Variants in PCDH9 observed in about 807,000 individuals in gnomAD.
The protein encoded by PCDH9 is protocadherin 9.
PCDH9 carries 24 observed loss-of-function variants against 70.6 expected under a neutral mutation model. The observed-to-expected ratio is 0.34, with a 90% confidence interval of 0.25 to 0.48. The LOEUF (loss-of-function observed/expected upper bound fraction) is 0.48, where lower values mean the gene tolerates loss of function less well. Ranked by LOEUF, PCDH9 falls within the 20% of genes least tolerant of loss-of-function variation. The pLI is 0.99. For synonymous variants in PCDH9, 562 were observed against 558.5 expected (o/e 1.01, Z -0.09); for missense variants, 1,281 against 1,503.6 (o/e 0.85, Z 2.45).
At chr13:66,403,824 G>A (rs1957231409) in intron 4 of PCDH9, among the ~76,000 whole-genome samples, 3 of 152,076 alleles carry the variant, frequency 2.0e-5, no homozygotes, top group Admixed American at 2.0e-4. Context: ...AAATAATTCT[G>A]AACTTACAGA....
chr13:66,452,518 A>C (rs2138430907), intron 4 of PCDH9, among the ~76,000 whole-genome samples: 1 of 152,180 alleles, frequency 6.6e-6, no homozygotes, highest in Non-Finnish European at 1.5e-5. Context: ...GTGCTTTGGA[A>C]CTTACATGAA....
chr13:66,617,544 A>G (rs988023899), intron 4 of PCDH9, among the ~76,000 whole-genome samples: 7 of 152,256 alleles, frequency 4.6e-5, no homozygotes, highest in African/African-American at 1.7e-4. Flanking sequence ...CCCAAACCTT[A>G]AACTGGTTGA....
At chr13:66,538,580 A>T (rs1193949803) in intron 4 of PCDH9, among the ~76,000 whole-genome samples, 1 of 152,076 alleles carries the variant, frequency 6.6e-6, no homozygotes, top group Non-Finnish European at 1.5e-5. Flanking sequence ...TTTGAGTCCA[A>T]AGGAAGTGTG....
intron 2 of PCDH9, among the ~76,000 whole-genome samples, chr13:67,132,489 C>G (rs1402590320): frequency 2.0e-5 from 3 of 151,972 alleles, no homozygotes; most frequent in Admixed American, 6.6e-5. Flanking sequence ...ACCGAAAGTG[C>G]AATTCAAAGA....
At chr13:67,030,345 T>A (rs1212570551) in intron 2 of PCDH9, among the ~76,000 whole-genome samples, 6 of 152,144 alleles carry the variant, frequency 3.9e-5, no homozygotes, top group Non-Finnish European at 7.4e-5. Context: ...GCTAAGAGGA[T>A]ACTTCTACCA....
rs149555480 is a variant in PCDH9, at chr13:66,568,233, C to G, written c.3340+62977G>C. Among the ~76,000 whole-genome samples the G allele has an allele frequency of 4.4e-3, 669 of 152,206 alleles. 27 individuals are homozygous for G. The East Asian group carries it at 0.085, about 19-fold the overall frequency. On this transcript the variant is annotated intron_variant, in intron 4 of 4. Transcript: ENST00000377865. ...AGCAAGAACACAGCCATGTGCAAAT[C>G]AGGAAGAGGGCACTTGCTGGGAACT...
intron 4 of PCDH9, among the ~76,000 whole-genome samples, chr13:66,544,012 T>C (rs1227917093): frequency 6.6e-6 from 1 of 152,132 alleles, no homozygotes; most frequent in Non-Finnish European, 1.5e-5. Context: ...AAGTTCCATA[T>C]AGTAATGCCT....
intron 4 of PCDH9, among the ~76,000 whole-genome samples, chr13:66,348,163 C>CT (rs1264279470): frequency 6.6e-6 from 1 of 151,924 alleles, no homozygotes; most frequent in Admixed American, 6.6e-5. Flanking sequence ...AATCTTTTCC[C>CT]TGTTTTGTTT....
At chr13:66,844,159 T>C (rs1174560377) in intron 3 of PCDH9, among the ~76,000 whole-genome samples, 1 of 152,218 alleles carries the variant, frequency 6.6e-6, no homozygotes, top group East Asian at 1.9e-4. Flanking sequence ...GATTTAATCC[T>C]GTATTTGATT....
chr13:67,008,898 C>A (rs183006921), intron 2 of PCDH9, among the ~76,000 whole-genome samples: 2 of 152,198 alleles, frequency 1.3e-5, no homozygotes, highest in African/African-American at 2.4e-5. Context: ...AGTCTAAATT[C>A]TCATAGAACA....
At chr13:67,174,605 T>C (rs1173097117) in intron 2 of PCDH9, among the ~76,000 whole-genome samples, 1 of 152,194 alleles carries the variant, frequency 6.6e-6, no homozygotes, top group African/African-American at 2.4e-5. Context: ...AGGTTTCTTA[T>C]TTTCTTCTTA....
At chr13:66,996,250 CCA>C (rs1227776201) in intron 2 of PCDH9, 2 of 152,088 alleles carry the variant, frequency 1.3e-5, no homozygotes, top group Non-Finnish European at 2.9e-5. Context: ...TGAATAGTCA[CCA>C]CTCTCTGCCC....
chr13:66,458,845 A>C (rs1430141942), intron 4 of PCDH9, among the ~76,000 whole-genome samples: 1 of 152,024 alleles, frequency 6.6e-6, no homozygotes, highest in African/African-American at 2.4e-5. Context: ...TCTAATTCAA[A>C]TTATACCAAC....
intron 4 of PCDH9, among the ~76,000 whole-genome samples, chr13:66,320,269 G>C (rs1372569017): frequency 6.6e-6 from 1 of 152,034 alleles, no homozygotes; most frequent in Admixed American, 6.6e-5. Context: ...ATTTCATGCT[G>C]TAAAGTATGT....
chr13:66,372,553 C>T lies in PCDH9; in HGVS notation c.3341-67525G>A, dbSNP rs534035936. Among the ~76,000 whole-genome samples the T allele has an allele frequency of 6.0e-5, 9 of 151,218 alleles. No individual in the cohort carries two copies. The East Asian group carries it at 7.9e-4, about 13-fold the overall frequency. On this transcript the variant is annotated intron_variant, in intron 4 of 4. Transcript: ENST00000377865. ...GGTTAAAATTATAACAAGTCTTGAT[C>T]GCATAGTAGCCAATGAATGGAGAAG...
At chr13:66,435,947 CT>C (rs1566323198) in intron 4 of PCDH9, among the ~76,000 whole-genome samples, 1 of 151,992 alleles carries the variant, frequency 6.6e-6, no homozygotes, top group Non-Finnish European at 1.5e-5. Context: ...ACTCTTCATT[CT>C]GACGTTTCAC....
intron 2 of PCDH9, among the ~76,000 whole-genome samples, chr13:66,953,980 A>C (rs1036394806): frequency 2.6e-5 from 4 of 152,180 alleles, no homozygotes; most frequent in Non-Finnish European, 2.9e-5. Context: ...CTAAAATTTC[A>C]GGGACATGTG....
At chr13:66,543,699 A>G (rs1038686449) in intron 4 of PCDH9, among the ~76,000 whole-genome samples, 2 of 152,200 alleles carry the variant, frequency 1.3e-5, no homozygotes, top group African/African-American at 4.8e-5. Context: ...TGAATTAAAC[A>G]TATTTAAAAA....
In PCDH9 at chr13:67,082,444, T is replaced by C. The variant is rs78118700; in HGVS notation, c.3036+142961A>G. Among the ~76,000 whole-genome samples the C allele has an allele frequency of 3.9e-3, 601 of 152,346 alleles. 4 individuals carry two copies. Among genetic ancestry groups the C allele is most frequent in the African/African-American group, 0.014 (572 of 41,584 alleles). On this transcript the variant is annotated intron_variant, in intron 2 of 4. Coordinates refer to ENST00000377865, the MANE Select transcript of PCDH9 (RefSeq NM_203487.3). Reference sequence around the variant, plus strand: ...TTCCTTTCTTTTCAAGGCTGAATAATATGCCATTGTATGTAAGTGGCACAT... The same window carrying C: ...TTCCTTTCTTTTCAAGGCTGAATAACATGCCATTGTATGTAAGTGGCACAT...
Sources: gnomAD v4.1 joint callset for allele counts (sites outside exome capture counted in the v4.1 genomes callset) on GRCh38, gnomAD v4.1.1 for gene constraint, MANE v1.5 for transcripts, NCBI Gene and HGNC (gene_info 2026-07-23, HGNC 2026-07-21) for gene names.